Variants in OLIG2 observed in about 807,000 individuals in gnomAD.
OLIG2 encodes the protein basic domain, helix-loop-helix protein, class B, 1.
A neutral mutation model predicts 13.4 loss-of-function variants in OLIG2; 12 were observed. That is an observed-to-expected ratio of 0.90 (90% CI 0.58 to 1.46). OLIG2 has a LOEUF of 1.46. Among genes scored for constraint, OLIG2 ranks in the 40% most tolerant of loss-of-function variants. The pLI, the probability that OLIG2 is intolerant of heterozygous loss-of-function variation, is 0.00. For missense variants in OLIG2, 415 were observed against 487.9 expected, an observed-to-expected ratio of 0.85 and a Z score of 1.41; for synonymous variants, 250 against 233.6, an observed-to-expected ratio of 1.07 and a Z score of -0.64.
Position 33,028,043 on chromosome 21 carries a change from G to C in OLIG2, c.*209G>C, listed in dbSNP as rs1981172314. 2 of 480,214 alleles carry C rather than the reference G, an allele frequency of 4.2e-6. No individual in the cohort carries two copies. The highest frequency in any genetic ancestry group is 4.1e-5 in the African/African-American group (2 of 49,290). The allele number at this position is 480,214 out of a possible 1,614,324, so 29.7% of individuals were successfully genotyped here. A position where few individuals can be genotyped will look rare whatever the true frequency, so the allele number is the denominator to read the frequency against. On this transcript the variant is annotated 3_prime_UTR_variant, in exon 2 of 2. Coordinates refer to ENST00000382357, the MANE Select transcript of OLIG2 (RefSeq NM_005806.4). ...TGGGGAGTGAGGGGATGTTCTCTCCGGGACCTGATCGAGCGCTGTCTGGCT... is the reference window on the plus strand; with the variant it reads ...TGGGGAGTGAGGGGATGTTCTCTCCCGGACCTGATCGAGCGCTGTCTGGCT...
At position 33,027,623 on chromosome 21, in the gene OLIG2, T is replaced by A. The variant is rs1294950533; in HGVS notation, c.761T>A (p.Ile254Asn). 1.4e-6 allele frequency: 2 copies of A among 1,475,626 alleles called. No individual in the cohort carries two copies. The highest frequency in any genetic ancestry group is 2.3e-4 in the Middle Eastern group (1 of 4,440). 91.4% of individuals were successfully genotyped at this position (1,475,626 alleles called of 1,614,324 possible). A position where few individuals can be genotyped will look rare whatever the true frequency, so the allele number is the denominator to read the frequency against. ...TCCGGGCTGCCGTCGGTCGGCTCCA[T>A]CCGTCCACCGCACGGCCTACTCAAG... ...PGSGLPSVGS[I>N]RPPHGLLKSP... Residue 254 changes from isoleucine (I) to asparagine (N), a missense_variant, in exon 2 of 2, where the codon ATC becomes AAC. By Grantham distance (149) the Ile-to-Asn change is moderately radical (BLOSUM62 -3). Around this residue, in one of 3 missense-constraint regions of OLIG2, gnomAD observed 243 missense variants for 241.2 expected, o/e 1.01. Coordinates refer to ENST00000382357, the MANE Select transcript of OLIG2 (RefSeq NM_005806.4).
rs558431775 is a variant in OLIG2, at chr21:33,026,280, C to G, written c.-63+254C>G. 6.5e-6 allele frequency: 1 copy of G among 153,316 alleles called. No individual in the cohort carries two copies. The highest frequency in any genetic ancestry group is 2.4e-5 in the African/African-American group (1 of 41,586). 9.5% of individuals were successfully genotyped at this position (153,316 alleles called of 1,614,324 possible). ...CAGCTGGTGAGCTCCCCGTGGTCTC[C>G]AGATGCAGCACATGGACTCTGGGCC... On this transcript the variant is annotated intron_variant, in intron 1 of 1. Coordinates refer to ENST00000382357, the MANE Select transcript of OLIG2 (RefSeq NM_005806.4). The surrounding 1 kb of genome is among the most constrained non-coding windows in gnomAD (Gnocchi z 6.6).
In OLIG2 at chr21:33,027,689, G is replaced by A; in HGVS notation, c.827G>A (p.Gly276Asp). ...GCGGCCGCCCCGCTGGGGGGCGGGG[G>A]CGGCGGCAGTGGGGCGAGCGGGGGC... ...AAAAAPLGGG[G>D]GGSGASGGFQ... Residue 276 changes from glycine to aspartate, a missense_variant, in exon 2 of 2, where the codon GGC becomes GAC. By Grantham distance (94) the Gly-to-Asp change is moderately conservative (BLOSUM62 -1). This residue lies in a region of OLIG2 where 243 missense variants were observed against 241.2 expected (regional missense o/e 1.01). Transcript: ENST00000382357. 7.3e-7 allele frequency: 1 copy of A among 1,371,088 alleles called. No individual in the cohort carries two copies. Among genetic ancestry groups the A allele is most frequent in the Non-Finnish European group, 9.3e-7 (1 of 1,070,798 alleles). The allele number at this position is 1,371,088 out of a possible 1,614,324, so 84.9% of individuals were successfully genotyped here.
Position 33,026,904 on chromosome 21 carries a change from G to C in OLIG2, c.42G>C (p.Ser14=), listed in dbSNP as rs756475270. The C allele has an allele frequency of 1.2e-6, 2 of 1,611,428 alleles. No homozygotes were observed. The highest frequency in any genetic ancestry group is 1.1e-5 in the South Asian group (1 of 91,080). The change falls in exon 2 of 2, where the codon TCG becomes TCC. Residue 14 remains serine (S), a synonymous_variant. Coordinates refer to ENST00000382357, the MANE Select transcript of OLIG2 (RefSeq NM_005806.4). The surrounding 1 kb of genome is among the most constrained non-coding windows in gnomAD (Gnocchi z 6.6). ...DASLVSSRPS[S]PEPDDLFLPA... ...GCCTGGTGTCCAGCCGCCCGTCGTCGCCAGAGCCCGATGACCTTTTTCTGC... is the reference window on the plus strand; with the variant it reads ...GCCTGGTGTCCAGCCGCCCGTCGTCCCCAGAGCCCGATGACCTTTTTCTGC...
In OLIG2 at chr21:33,026,946, C is replaced by A. The variant is rs1305682189; in HGVS notation, c.84C>A (p.Gly28=). 4 of 1,612,154 alleles carry A rather than the reference C, an allele frequency of 2.5e-6. No individual in the cohort carries two copies. The highest frequency in any genetic ancestry group is 2.5e-6 in the Non-Finnish European group (3 of 1,179,846). Residue 28 remains glycine (G), a synonymous_variant, in exon 2 of 2, where the codon GGC becomes GGA. Transcript: ENST00000382357. The surrounding 1 kb of genome is among the most constrained non-coding windows in gnomAD (Gnocchi z 6.6). Reference sequence around the variant, plus strand: ...TTTTTCTGCCGGCCCGGAGTAAGGGCAGCAGCGGCAGCGCCTTCACTGGGG... The same window carrying A: ...TTTTTCTGCCGGCCCGGAGTAAGGGAAGCAGCGGCAGCGCCTTCACTGGGG... ...DDLFLPARSK[G]SSGSAFTGGT... is the part of the protein sequence containing the mutation.
Position 33,026,583 on chromosome 21 carries a change from A to C in OLIG2, c.-62-218A>C. 1 of 505,906 alleles carries C rather than the reference A, an allele frequency of 2.0e-6. No individual in the cohort carries two copies. The highest frequency in any genetic ancestry group is 3.5e-6 in the Non-Finnish European group (1 of 281,874). 31.3% of individuals were successfully genotyped at this position (505,906 alleles called of 1,614,324 possible). ...TGTTGCATGAGAGCAGAGGGGAGAT[A>C]GAGAGAGCTTAATTATAGGTACCCG... On this transcript the variant is annotated intron_variant, in intron 1 of 1. Coordinates refer to ENST00000382357, the MANE Select transcript of OLIG2 (RefSeq NM_005806.4). This position sits in a 1 kb window ranked among gnomAD's most constrained non-coding sequence, Gnocchi z 6.6.
In OLIG2 at chr21:33,027,480, A is replaced by G. The variant is rs1981137633; in HGVS notation, c.618A>G (p.Ala206=). 2 of 1,481,634 alleles carry G rather than the reference A, an allele frequency of 1.3e-6. No individual in the cohort carries two copies. Among genetic ancestry groups the G allele is most frequent in the South Asian group, 1.3e-5 (1 of 76,370 alleles). 91.8% of individuals were successfully genotyped at this position (1,481,634 alleles called of 1,614,324 possible). The change falls in exon 2 of 2, where the codon GCA becomes GCG. Residue 206 remains alanine (A), a synonymous_variant. Transcript: ENST00000382357. ...APLPAATAHP[A]AAAHAAHHPA... ...TGCCCGCCGCCACCGCGCACCCGGC[A>G]GCAGCAGCGCACGCCGCACATCACC...
Position 33,027,681 on chromosome 21 carries a change from G to GGGCGGGGGC in OLIG2, c.825_833dup (p.Gly276_Gly278dup). 1 of 1,372,746 alleles carries GGGCGGGGGC rather than the reference G, an allele frequency of 7.3e-7. No individual in the cohort carries two copies. The highest frequency in any genetic ancestry group is 9.3e-7 in the Non-Finnish European group (1 of 1,071,572). The allele number at this position is 1,372,746 out of a possible 1,614,324, so 85.0% of individuals were successfully genotyped here. A position where few individuals can be genotyped will look rare whatever the true frequency, so the allele number is the denominator to read the frequency against. On this transcript the variant is annotated inframe_insertion, in exon 2 of 2. Coordinates refer to ENST00000382357, the MANE Select transcript of OLIG2 (RefSeq NM_005806.4). ...CTGCTGCCGCGGCCGCCCCGCTGGGGGGCGGGGGCGGCGGCAGTGGGGCGA... is the reference window on the plus strand; with the variant it reads ...CTGCTGCCGCGGCCGCCCCGCTGGGGGGCGGGGGCGGCGGGGGCGGCGGCAGTGGGGCGA...
At position 33,027,388 on chromosome 21, in the gene OLIG2, A is replaced by G; in HGVS notation, c.526A>G (p.Ile176Val). The G allele has an allele frequency of 1.3e-6, 2 of 1,549,324 alleles. No homozygotes were observed. Among genetic ancestry groups the G allele is most frequent in the Non-Finnish European group, 1.7e-6 (2 of 1,147,322 alleles). ...LEEMKRLVSEIYGGHHAGFHP... is the reference protein window; with the variant it reads ...LEEMKRLVSEVYGGHHAGFHP... ...GGAGATGAAGCGACTGGTGAGCGAGATCTACGGGGGCCACCACGCTGGCTT... is the reference window on the plus strand; with the variant it reads ...GGAGATGAAGCGACTGGTGAGCGAGGTCTACGGGGGCCACCACGCTGGCTT... The change falls in exon 2 of 2, where the codon ATC becomes GTC. Residue 176 changes from isoleucine to valine, a missense_variant. This residue lies in a region of OLIG2 where 243 missense variants were observed against 241.2 expected (regional missense o/e 1.01). Transcript: ENST00000382357.
chr21:33,026,897 C>T lies in OLIG2; in HGVS notation c.35C>T (p.Pro12Leu). Residue 12 changes from proline to leucine, a missense_variant, in exon 2 of 2, where the codon CCG becomes CTG. Around this residue, in one of 3 missense-constraint regions of OLIG2, gnomAD observed 122 missense variants for 126.8 expected, o/e 0.96. Coordinates refer to ENST00000382357, the MANE Select transcript of OLIG2 (RefSeq NM_005806.4). This position sits in a 1 kb window ranked among gnomAD's most constrained non-coding sequence, Gnocchi z 6.6. ...GACGCCAGCCTGGTGTCCAGCCGCC[C>T]GTCGTCGCCAGAGCCCGATGACCTT... is the stretch of plus-strand genomic sequence containing the variant. ...DSDASLVSSR[P>L]SSPEPDDLFL... The T allele has an allele frequency of 1.2e-6, 2 of 1,611,260 alleles. No homozygotes were observed. The highest frequency in any genetic ancestry group is 8.5e-7 in the Non-Finnish European group (1 of 1,179,990).
chr21:33,027,632 C>G lies in OLIG2; in HGVS notation c.770C>G (p.Pro257Arg), dbSNP rs1351793692. ...CCGTCGGTCGGCTCCATCCGTCCAC[C>G]GCACGGCCTACTCAAGTCTCCGTCT... ...GLPSVGSIRP[P>R]HGLLKSPSAA... The change falls in exon 2 of 2, where the codon CCG becomes CGG. Residue 257 changes from proline to arginine, a missense_variant. Pro to Arg is a moderately radical substitution (Grantham distance 103). Around this residue, in one of 3 missense-constraint regions of OLIG2, gnomAD observed 243 missense variants for 241.2 expected, o/e 1.01. Transcript: ENST00000382357. 6.8e-7 allele frequency: 1 copy of G among 1,468,180 alleles called. No homozygotes were observed. The highest frequency in any genetic ancestry group is 1.5e-5 in the African/African-American group (1 of 67,818). 90.9% of individuals were successfully genotyped at this position (1,468,180 alleles called of 1,614,324 possible).
In OLIG2 at chr21:33,028,983, T is replaced by C. The variant is rs1336777385; in HGVS notation, c.*1149T>C. The C allele has an allele frequency of 8.2e-6, 2 of 242,454 alleles. No homozygotes were observed. Among genetic ancestry groups the C allele is most frequent in the East Asian group, 1.3e-4 (2 of 15,948 alleles). The allele number at this position is 242,454 out of a possible 1,614,324, so 15.0% of individuals were successfully genotyped here. A position where few individuals can be genotyped will look rare whatever the true frequency, so the allele number is the denominator to read the frequency against. ...TCCTCCACGTGCTTCCTGCGTTCCG[T>C]GCAAGCCGCCTCGGCGCTGCCTGCG... On this transcript the variant is annotated 3_prime_UTR_variant, in exon 2 of 2. Coordinates refer to ENST00000382357, the MANE Select transcript of OLIG2 (RefSeq NM_005806.4).
Position 33,028,263 on chromosome 21 carries a change from G to A in OLIG2, c.*429G>A. On this transcript the variant is annotated 3_prime_UTR_variant, in exon 2 of 2. Coordinates refer to ENST00000382357, the MANE Select transcript of OLIG2 (RefSeq NM_005806.4). ...GGGGGGAGGGGGTGTTATGGGAGGG[G>A]GACACATTGGGGCCTTGCTCCTCTT... The A allele has an allele frequency of 4.1e-6, 1 of 245,482 alleles. No homozygotes were observed. 15.2% of individuals were successfully genotyped at this position (245,482 alleles called of 1,614,324 possible).
chr21:33,027,677 TG>T lies in OLIG2; in HGVS notation c.821del (p.Gly274AlafsTer115). On this transcript the variant is annotated frameshift_variant, in exon 2 of 2. Transcript: ENST00000382357. LOFTEE classifies it high-confidence loss of function. ...KSPSAAAAAP[L>X]GGGGGGSGAS... ...CCGTCTGCTGCCGCGGCCGCCCCGC[TG>T]GGGGGCGGGGGCGGCGGCAGTGGGG... The T allele has an allele frequency of 5.8e-6, 8 of 1,378,024 alleles. No individual in the cohort carries two copies. Among genetic ancestry groups the T allele is most frequent in the South Asian group, 3.3e-5 (2 of 60,470 alleles). The allele number at this position is 1,378,024 out of a possible 1,614,324, so 85.4% of individuals were successfully genotyped here.
Position 33,027,475 on chromosome 21 carries a change from C to CCGG in OLIG2, c.615_617dup (p.Ala209dup), listed in dbSNP as rs1981137255. 6.1e-6 allele frequency: 9 copies of CCGG among 1,478,260 alleles called. No individual in the cohort carries two copies. The East Asian group carries it at 2.4e-4, about 40-fold the overall frequency. 91.6% of individuals were successfully genotyped at this position (1,478,260 alleles called of 1,614,324 possible). On this transcript the variant is annotated inframe_insertion, in exon 2 of 2. Transcript: ENST00000382357. Reference sequence around the variant, plus strand: ...GCCCCTGCCCGCCGCCACCGCGCACCCGGCAGCAGCAGCGCACGCCGCACA... The same window carrying CCGG: ...GCCCCTGCCCGCCGCCACCGCGCACCCGGCGGCAGCAGCAGCGCACGCCGCACA...
At position 33,027,534 on chromosome 21, in the gene OLIG2, CGCCGCCGCAGCGGCTGCT is replaced by C. The variant is rs1229961732; in HGVS notation, c.681_698del (p.Ala232_Ala237del). 32 of 1,473,560 alleles carry C rather than the reference CGCCGCCGCAGCGGCTGCT, an allele frequency of 2.2e-5. No homozygotes were observed. The highest frequency in any genetic ancestry group is 2.3e-4 in the Middle Eastern group (1 of 4,266). The allele number at this position is 1,473,560 out of a possible 1,614,324, so 91.3% of individuals were successfully genotyped here. On this transcript the variant is annotated inframe_deletion, in exon 2 of 2. Transcript: ENST00000382357. ...CGGTGCACCACCCCATCCTGCCGCC[CGCCGCCGCAGCGGCTGCT>C]GCCGCCGCTGCAGCCGCGGCTGTGT...
Position 33,027,006 on chromosome 21 carries a change from G to A in OLIG2, c.144G>A (p.Pro48=). The part of the protein sequence containing the change: ...TVSSSTPSDC[P]PELSAELRGA... ...CCTCGTCCACCCCGAGTGACTGCCC[G>A]CCGGAGCTGAGCGCCGAGCTGCGCG... Residue 48 remains proline (P), a synonymous_variant, in exon 2 of 2, where the codon CCG becomes CCA. Coordinates refer to ENST00000382357, the MANE Select transcript of OLIG2 (RefSeq NM_005806.4). 6.2e-7 allele frequency: 1 copy of A among 1,612,088 alleles called. No individual in the cohort carries two copies. Among genetic ancestry groups the A allele is most frequent in the South Asian group, 1.1e-5 (1 of 90,904 alleles).
In OLIG2 at chr21:33,027,273, C is replaced by T. The variant is rs956574795; in HGVS notation, c.411C>T (p.Tyr137=). Reference sequence around the variant, plus strand: ...ATGGCCTCCGCGAGGTCATGCCGTACGCACACGGCCCTTCGGTGCGCAAGC... The same window carrying T: ...ATGGCCTCCGCGAGGTCATGCCGTATGCACACGGCCCTTCGGTGCGCAAGC... ...AMDGLREVMP[Y]AHGPSVRKLS... The change falls in exon 2 of 2, where the codon TAC becomes TAT. Residue 137 remains tyrosine (Y), a synonymous_variant. Transcript: ENST00000382357. 2 of 1,608,490 alleles carry T rather than the reference C, an allele frequency of 1.2e-6. No homozygotes were observed. The highest frequency in any genetic ancestry group is 1.3e-5 in the African/African-American group (1 of 74,850).
At position 33,026,677 on chromosome 21, in the gene OLIG2, G is replaced by C; in HGVS notation, c.-62-124G>C. 1.4e-6 allele frequency: 1 copy of C among 716,322 alleles called. No homozygotes were observed. The highest frequency in any genetic ancestry group is 3.0e-5 in the Admixed American group (1 of 33,772). 44.4% of individuals were successfully genotyped at this position (716,322 alleles called of 1,614,324 possible). ...AGGAGCCACGGGCCACCTGTGCCGGGACCCCGCGCTGTGGTACTGCGGTGC... is the reference window on the plus strand; with the variant it reads ...AGGAGCCACGGGCCACCTGTGCCGGCACCCCGCGCTGTGGTACTGCGGTGC... On this transcript the variant is annotated intron_variant, in intron 1 of 1. Transcript: ENST00000382357. The surrounding 1 kb of genome is among the most constrained non-coding windows in gnomAD (Gnocchi z 6.6).
Sources: allele counts gnomAD v4.1 joint callset, GRCh38; gene constraint gnomAD v4.1.1; regional missense constraint gnomAD v4.1.1; non-coding constraint Gnocchi (gnomAD v3.1); transcripts MANE v1.5; gene names NCBI Gene and HGNC (gene_info 2026-07-23, HGNC 2026-07-21).